The following KIF26B variants were observed in gnomAD, a reference collection of about 807,000 sequenced individuals.
KIF26B encodes the protein kinesin-like protein KIF26B.
A neutral mutation model predicts 151.2 loss-of-function variants in KIF26B; 63 were observed. The observed-to-expected ratio is 0.42, with a 90% CI of 0.34 to 0.51. The LOEUF (loss-of-function observed/expected upper bound fraction) is 0.51, where lower values mean the gene tolerates loss of function less well. KIF26B is among the 20% of genes least tolerant of loss of function. The pLI is 0.07. For missense variants in KIF26B, 2,813 were observed against 2,913.6 expected (o/e 0.97, Z 0.79); for synonymous variants, 1,357 against 1,262.1 (o/e 1.08, Z -1.59).
chr1:245,405,536 C>T (rs1351117763), intron 3 of KIF26B, among the ~76,000 whole-genome samples: 2 of 152,050 alleles, frequency 1.3e-5, no homozygotes, highest in African/African-American at 4.8e-5. Flanking sequence ...AACTGAGCCC[C>T]TGGCTTATGG....
intron 2 of KIF26B, among the ~76,000 whole-genome samples, chr1:245,361,700 C>T (rs1049178381): frequency 2.6e-4 from 40 of 152,298 alleles, no homozygotes; most frequent in African/African-American, 8.2e-4. Context: ...TCGTTGCTGT[C>T]ACTACTGCGG....
At chr1:245,237,565 A>G (rs375062235) in intron 2 of KIF26B, among the ~76,000 whole-genome samples, 2 of 152,142 alleles carry the variant, frequency 1.3e-5, no homozygotes, top group African/African-American at 2.4e-5. Context: ...CAGGGGGTCT[A>G]TGAGCATCAT....
chr1:245,486,935 G>T (rs1660293327), intron 4 of KIF26B, among the ~76,000 whole-genome samples: 1 of 152,210 alleles, frequency 6.6e-6, no homozygotes, highest in Non-Finnish European at 1.5e-5. Context: ...GCCTGTAAAA[G>T]AAACTAAACT....
Position 245,687,731 on chromosome 1 carries a change from C to A in KIF26B, c.4748C>A (p.Ser1583Tyr), listed in dbSNP as rs1367931851. ...GCTACCCTGGAGGGGAAGGTGGCTTCCCCCAAGCACTGTGTTCTGGCTCGG... is the reference window on the plus strand; with the variant it reads ...GCTACCCTGGAGGGGAAGGTGGCTTACCCCAAGCACTGTGTTCTGGCTCGG... ...SKATLEGKVASPKHCVLARPK... is the reference protein window; with the variant it reads ...SKATLEGKVAYPKHCVLARPK... The change falls in exon 12 of 15, where the codon TCC becomes TAC. Residue 1583 changes from serine to tyrosine, a missense_variant. Ser to Tyr is a moderately radical substitution (Grantham distance 144). This residue lies in a region of KIF26B where 2,060 missense variants were observed against 2,088.6 expected (regional missense o/e 0.99). Coordinates refer to ENST00000407071, the MANE Select transcript of KIF26B (RefSeq NM_018012.4). The surrounding 1 kb of genome is among the most constrained non-coding windows in gnomAD (Gnocchi z 4.9). 4.4e-6 allele frequency: 7 copies of A among 1,577,848 alleles called. No homozygotes were observed. The highest frequency in any genetic ancestry group is 6.0e-6 in the Non-Finnish European group (7 of 1,162,196).
At chr1:245,590,089 A>C (rs2043270177) in intron 5 of KIF26B, among the ~76,000 whole-genome samples, 1 of 150,930 alleles carries the variant, frequency 6.6e-6, no homozygotes, top group Non-Finnish European at 1.5e-5. Flanking sequence ...CCCTTTATTA[A>C]CAATAAGCCG....
chr1:245,363,377 G>A (rs933516534), intron 2 of KIF26B, among the ~76,000 whole-genome samples: 1 of 152,006 alleles, frequency 6.6e-6, no homozygotes. Flanking sequence ...TGCATTTTTA[G>A]TAGAAACAGG....
chr1:245,459,667 TGAA>T (rs1659607096), intron 4 of KIF26B, among the ~76,000 whole-genome samples: 1 of 152,088 alleles, frequency 6.6e-6, no homozygotes, highest in Non-Finnish European at 1.5e-5. Flanking sequence ...GCTGTGTCAG[TGAA>T]GGAGTGAACG....
chr1:245,527,476 G>A (rs573960152), intron 4 of KIF26B, among the ~76,000 whole-genome samples: 16 of 140,780 alleles, frequency 1.1e-4, no homozygotes, highest in Admixed American at 6.4e-4. Flanking sequence ...ATGAAAGATA[G>A]GAATAACGTC....
intron 4 of KIF26B, among the ~76,000 whole-genome samples, chr1:245,437,839 C>T (rs1658972605): frequency 6.6e-6 from 1 of 152,204 alleles, no homozygotes; most frequent in African/African-American, 2.4e-5. Context: ...AAGATCTCCA[C>T]CACAGCCGTG....
chr1:245,337,518 ATGTGTGTGTGTGTGTGTGTGTG>A lies in KIF26B; in HGVS notation c.466-29299_466-29278del, dbSNP rs74163041. ...CTGGTGACCTAGAAGTACTTAGGAAATGTGTGTGTGTGTGTGTGTGTGTGTGTGTGTGTGTGTGCACCCGTGT... is the reference window on the plus strand; with the variant it reads ...CTGGTGACCTAGAAGTACTTAGGAAATGTGTGTGTGTGTGTGCACCCGTGT... On this transcript the variant is annotated intron_variant, in intron 2 of 14. Coordinates refer to ENST00000407071, the MANE Select transcript of KIF26B (RefSeq NM_018012.4). 1.6e-3 allele frequency among the ~76,000 whole-genome samples: 236 copies of A among 145,546 alleles called. No individual in the cohort carries two copies. The Middle Eastern group carries it at 0.021, about 13-fold the overall frequency.
chr1:245,531,664 G>A (rs1661364091), intron 4 of KIF26B, among the ~76,000 whole-genome samples: 1 of 152,230 alleles, frequency 6.6e-6, no homozygotes, highest in South Asian at 2.1e-4. Context: ...GGGCAGGTCT[G>A]CGCCTATAGA....
Position 245,155,444 on chromosome 1 carries a change from A to T in KIF26B, c.20A>T (p.Asn7Ile), listed in dbSNP as rs757922173. 23 of 1,612,518 alleles carry T rather than the reference A, an allele frequency of 1.4e-5. No individual in the cohort carries two copies. The Admixed American group carries it at 3.7e-4, about 26-fold the overall frequency. The change falls in exon 1 of 15, where the codon AAT becomes ATT. Residue 7 changes from asparagine (N) to isoleucine (I), a missense_variant. Physicochemically the swap from Asn to Ile is moderately radical, Grantham distance 149. Around this residue, in one of 3 missense-constraint regions of KIF26B, gnomAD observed 676 missense variants for 688.1 expected, o/e 0.98. Transcript: ENST00000407071. MNSVAG[N>I]KERLAVSTRG... ...GCCACCATGAATTCGGTAGCTGGGA[A>T]TAAAGAGAGGCTTGCGGTCTCCACC...
chr1:245,517,119 C>T (rs1030076160), intron 4 of KIF26B, among the ~76,000 whole-genome samples: 3 of 152,286 alleles, frequency 2.0e-5, no homozygotes, highest in South Asian at 2.1e-4. Flanking sequence ...TAATCCCAGC[C>T]GCCAAGGCGG....
rs1225809415 is a variant in KIF26B at position 245,227,042 on chromosome 1, A to G, written c.465+70359A>G. Among the ~76,000 whole-genome samples, 4 of 152,108 alleles carry G rather than the reference A, an allele frequency of 2.6e-5. No individual in the cohort carries two copies. The highest frequency in any genetic ancestry group is 4.4e-5 in the Non-Finnish European group (3 of 67,998). ...GCTTGTTTCGAATGACCCACAGGGAATGGTGCACCATTCACTCAGTCCACC... is the reference window on the plus strand; with the variant it reads ...GCTTGTTTCGAATGACCCACAGGGAGTGGTGCACCATTCACTCAGTCCACC... On this transcript the variant is annotated intron_variant, in intron 2 of 14. Coordinates refer to ENST00000407071, the MANE Select transcript of KIF26B (RefSeq NM_018012.4). This position sits in a 1 kb window ranked among gnomAD's most constrained non-coding sequence, Gnocchi z 4.1.
At chr1:245,674,389 T>C (rs1428660115) in intron 10 of KIF26B, among the ~76,000 whole-genome samples, 1 of 152,258 alleles carries the variant, frequency 6.6e-6, no homozygotes, top group Non-Finnish European at 1.5e-5. Context: ...ACATCATTAT[T>C]CCTAATCTGA....
intron 2 of KIF26B, among the ~76,000 whole-genome samples, chr1:245,201,002 C>T (rs774426233): frequency 5.9e-5 from 9 of 152,142 alleles, no homozygotes; most frequent in Non-Finnish European, 1.0e-4. Flanking sequence ...ACCCTGTGCC[C>T]AGTATTTCTT....
In KIF26B at chr1:245,483,901, A is replaced by G. The variant is rs1034048961; in HGVS notation, c.1167-56866A>G. Among the ~76,000 whole-genome samples, 2 of 151,928 alleles carry G rather than the reference A, an allele frequency of 1.3e-5. 1 individual carries two copies. The highest frequency in any genetic ancestry group is 2.9e-5 in the Non-Finnish European group (2 of 67,886). On this transcript the variant is annotated intron_variant, in intron 4 of 14. Transcript: ENST00000407071. ...TCTTTTCTACTCTTAGTAATGTATTAGTAAAATGTGTTTATGAAAATCTGA... is the reference window on the plus strand; with the variant it reads ...TCTTTTCTACTCTTAGTAATGTATTGGTAAAATGTGTTTATGAAAATCTGA...
chr1:245,324,427 A>T (rs944793259), intron 2 of KIF26B, among the ~76,000 whole-genome samples: 8 of 152,344 alleles, frequency 5.3e-5, no homozygotes, highest in Admixed American at 4.6e-4. Flanking sequence ...TGGAAACAAT[A>T]AACAGTCAAA....
intron 4 of KIF26B, among the ~76,000 whole-genome samples, chr1:245,509,967 C>T (rs960805742): frequency 6.6e-6 from 1 of 152,220 alleles, no homozygotes. Flanking sequence ...CCATGCCACG[C>T]CCTCCCTTGG....
Sources: gnomAD v4.1 joint callset for allele counts (sites outside exome capture counted in the v4.1 genomes callset) on GRCh38, gnomAD v4.1.1 for gene constraint, gnomAD v4.1.1 regional missense constraint, Gnocchi (gnomAD v3.1) non-coding constraint, MANE v1.5 for transcripts, NCBI Gene and HGNC (gene_info 2026-07-23, HGNC 2026-07-21) for gene names.